Variants in VAV2 observed in about 807,000 individuals in gnomAD.
VAV2 encodes vav guanine nucleotide exchange factor 2.
In VAV2, 67 loss-of-function variants were observed where a neutral mutation model predicts 132.5. The ratio of observed to expected loss-of-function variants is 0.51; its 90% CI spans 0.42 to 0.62. VAV2 has a LOEUF of 0.62. Among genes scored for constraint, VAV2 ranks in the 20% least tolerant of loss-of-function variants. The pLI is 0.00. For missense variants in VAV2, 938 were observed against 1,153.6 expected (o/e 0.81, Z 2.71); for synonymous variants, 492 against 443.5 (o/e 1.11, Z -1.37).
Position 133,768,470 on chromosome 9 carries a change from C to T in VAV2, c.2561G>A (p.Gly854Asp). The T allele has an allele frequency of 6.2e-7, 1 of 1,613,830 alleles. No homozygotes were observed. The highest frequency in any genetic ancestry group is 8.5e-7 in the Non-Finnish European group (1 of 1,180,004). Reference protein sequence around the residue: ...RIYSRIGGDQGWWKGETNGRI... With the variant: ...RIYSRIGGDQDWWKGETNGRI... The stretch of plus-strand genomic sequence containing the variant: ...TCCGTTGGTCTCGCCCTTCCACCAG[C>T]CCTGGTCTCCGCCGATGCGGCTGTA... The change falls in exon 29 of 30, where the codon GGC becomes GAC. Residue 854 changes from glycine (G) to aspartate (D), a missense_variant. By Grantham distance (94) the Gly-to-Asp change is moderately conservative. Transcript: ENST00000371850. The surrounding 1 kb of genome is among the most constrained non-coding windows in gnomAD (Gnocchi z 5.3).
chr9:133,877,318 AC>A (rs2131924028), intron 2 of VAV2, among the ~76,000 whole-genome samples: 1 of 152,180 alleles, frequency 6.6e-6, no homozygotes, highest in Non-Finnish European at 1.5e-5. Context: ...TGGGACCCAC[AC>A]CCCAGACACA....
rs951757447 is a variant in VAV2, at chr9:133,991,966, C to G, written c.204+109G>C. 1 of 983,390 alleles carries G rather than the reference C, an allele frequency of 1.0e-6. No homozygotes were observed. The allele number at this position is 983,390 out of a possible 1,614,324, so 60.9% of individuals were successfully genotyped here. The stretch of plus-strand genomic sequence containing the variant: ...CGCCCGCGTCCCGGAGCCCGGCCGC[C>G]CCAGCCAGGGCGCCTGGGCCGCCGC... On this transcript the variant is annotated intron_variant, in intron 1 of 29. Transcript: ENST00000371850. This position sits in a 1 kb window ranked among gnomAD's most constrained non-coding sequence, Gnocchi z 4.8.
chr9:133,839,604 G>A (rs2993801), intron 3 of VAV2, among the ~76,000 whole-genome samples: 1 of 152,020 alleles, frequency 6.6e-6, no homozygotes, highest in African/African-American at 2.4e-5. Flanking sequence ...CGCCCACCCC[G>A]ACGTCCAGCT....
chr9:133,819,153 G>A (rs1472457836), intron 4 of VAV2, among the ~76,000 whole-genome samples: 1 of 151,942 alleles, frequency 6.6e-6, no homozygotes, highest in African/African-American at 2.4e-5. Context: ...ATTCGCCCGG[G>A]GCACCGAGGT....
intron 1 of VAV2, among the ~76,000 whole-genome samples, chr9:133,990,191 C>G (rs942658265): frequency 3.3e-5 from 5 of 152,168 alleles, no homozygotes; most frequent in Admixed American, 1.3e-4. Context: ...CTCCTACCAT[C>G]CAGGCCCCTA....
chr9:133,805,023 G>T (rs1588199899), intron 9 of VAV2, among the ~76,000 whole-genome samples: 1 of 152,166 alleles, frequency 6.6e-6, no homozygotes, highest in South Asian at 2.1e-4. Context: ...AGAGCACACA[G>T]GGAAGCACCT....
intron 11 of VAV2, 33 bp downstream of exon 11, chr9:133,796,396 G>T: frequency 6.3e-7 from 1 of 1,593,256 alleles, no homozygotes. Context: ...CAGCAGTGAT[G>T]ACCCCGCAGG....
In VAV2 at chr9:133,834,138, G is replaced by A. The variant is rs994201927; in HGVS notation, c.449+134C>T. 1.0e-5 allele frequency: 10 copies of A among 969,744 alleles called. No homozygotes were observed. In the African/African-American group the frequency reaches 1.5e-4, roughly 14 times the overall value. The allele number at this position is 969,744 out of a possible 1,614,324, so 60.1% of individuals were successfully genotyped here. Reference sequence around the variant, plus strand: ...ACACCATGACCCATCATGAGGAGATGCCCCGGTGGGAAGGGCCAGGGCCAG... The same window carrying A: ...ACACCATGACCCATCATGAGGAGATACCCCGGTGGGAAGGGCCAGGGCCAG... On this transcript the variant is annotated intron_variant, in intron 4 of 29. Coordinates refer to ENST00000371850, the MANE Select transcript of VAV2 (RefSeq NM_001134398.2). The surrounding 1 kb of genome is among the most constrained non-coding windows in gnomAD (Gnocchi z 5.9).
At chr9:133,922,405 A>G (rs1204623356) in intron 2 of VAV2, among the ~76,000 whole-genome samples, 3 of 152,228 alleles carry the variant, frequency 2.0e-5, no homozygotes, top group Non-Finnish European at 4.4e-5. Flanking sequence ...GGGGCAGAAA[A>G]GAGCTGGGCT....
At chr9:133,843,122 A>G (rs979914844) in intron 3 of VAV2, among the ~76,000 whole-genome samples, 1 of 152,218 alleles carries the variant, frequency 6.6e-6, no homozygotes, top group Non-Finnish European at 1.5e-5. Context: ...GGAGGAGGCC[A>G]GGTCGAACCC....
intron 1 of VAV2, among the ~76,000 whole-genome samples, chr9:133,955,030 A>T (rs1841705451): frequency 6.6e-6 from 1 of 152,052 alleles, no homozygotes; most frequent in Non-Finnish European, 1.5e-5. Context: ...AAAGGAAGGC[A>T]GACACTCCTT....
rs1840195685 is a variant in VAV2, at chr9:133,918,823, T to A, written c.321+20280A>T. 6.6e-6 allele frequency among the ~76,000 whole-genome samples: 1 copy of A among 152,102 alleles called. No homozygotes were observed. Among genetic ancestry groups the A allele is most frequent in the Admixed American group, 6.5e-5 (1 of 15,278 alleles). On this transcript the variant is annotated intron_variant, in intron 2 of 29. Coordinates refer to ENST00000371850, the MANE Select transcript of VAV2 (RefSeq NM_001134398.2). The surrounding 1 kb of genome is among the most constrained non-coding windows in gnomAD (Gnocchi z 4.7). ...CAGAGTCTTGTTCTGTCGCCCAGGC[T>A]GAAGTGCAGTGGTGCGATCTCGGCT...
chr9:133,787,354 G>T, intron 15 of VAV2, 94 bp from the exon 16 acceptor site: 1 of 1,362,266 alleles, frequency 7.3e-7, no homozygotes, highest in South Asian at 2.0e-5. Flanking sequence ...GGCGCCAGGA[G>T]CCCTGGCAGG....
intron 2 of VAV2, among the ~76,000 whole-genome samples, chr9:133,888,423 G>A (rs557125982): frequency 1.9e-3 from 288 of 152,310 alleles, no homozygotes; most frequent in African/African-American, 6.7e-3. Context: ...TGGGGGCCAC[G>A]CACACCTGGA....
In VAV2 at chr9:133,834,991, C is replaced by T. The variant is rs1275582393; in HGVS notation, c.381-651G>A. ...CCCCAGAAGGAACGCGGCGGTGCTC[C>T]CCCACACTCCGCCCTCCAGATGCCC... On this transcript the variant is annotated intron_variant, in intron 3 of 29. Coordinates refer to ENST00000371850, the MANE Select transcript of VAV2 (RefSeq NM_001134398.2). The surrounding 1 kb of genome is among the most constrained non-coding windows in gnomAD (Gnocchi z 5.9). Among the ~76,000 whole-genome samples the T allele has an allele frequency of 1.3e-5, 2 of 152,172 alleles. No homozygotes were observed. Among genetic ancestry groups the T allele is most frequent in the African/African-American group, 4.8e-5 (2 of 41,426 alleles).
chr9:133,984,446 G>T (rs72764874), intron 1 of VAV2, among the ~76,000 whole-genome samples: 3 of 152,040 alleles, frequency 2.0e-5, no homozygotes, highest in Non-Finnish European at 4.4e-5. Flanking sequence ...GCTCTCATCT[G>T]TACAAGAAAT....
At chr9:133,898,437 T>A (rs2519782) in intron 2 of VAV2, among the ~76,000 whole-genome samples, 135,142 of 149,864 alleles carry the variant, frequency 0.9, 62,103 homozygotes, top group East Asian at 1. Context: ...AAAAAAAAAA[T>A]ACAAAAATCA....
intron 9 of VAV2, among the ~76,000 whole-genome samples, chr9:133,801,594 A>C (rs931917717): frequency 2.0e-5 from 3 of 152,366 alleles, no homozygotes. Context: ...GAGCAAGGGC[A>C]GCTGGTGATG....
At chr9:133,828,707 C>T (rs1034552631) in intron 4 of VAV2, among the ~76,000 whole-genome samples, 10 of 152,228 alleles carry the variant, frequency 6.6e-5, no homozygotes, top group Non-Finnish European at 1.5e-5. Flanking sequence ...CCCCGGGGAA[C>T]TTCCACAATT....
Sources: allele counts gnomAD v4.1 joint callset (sites outside exome capture counted in the v4.1 genomes callset), GRCh38; gene constraint gnomAD v4.1.1; non-coding constraint Gnocchi (gnomAD v3.1); transcripts MANE v1.5; gene names NCBI Gene and HGNC (gene_info 2026-07-23, HGNC 2026-07-21).